ATP9B: variants seen among roughly 807,000 people sequenced by gnomAD.
ATP9B encodes the protein ATPase phospholipid transporting 9B, also known as probable phospholipid-transporting ATPase IIB.
In ATP9B, 110 loss-of-function variants were observed where a neutral mutation model predicts 146.1. The observed-to-expected ratio is 0.75, with a 90% confidence interval of 0.65 to 0.88. The LOEUF is 0.88. Among genes scored for constraint, ATP9B ranks in the 40% least tolerant of loss-of-function variants. The pLI, the probability that ATP9B is intolerant of heterozygous loss-of-function variation, is 0.00. For missense variants in ATP9B, 1,499 were observed against 1,496.4 expected (o/e 1.00, Z -0.03); for synonymous variants, 604 against 569.7 (o/e 1.06, Z -0.86).
At chr18:79,351,241 G>A (rs2096920760) in intron 25 of ATP9B, among the ~76,000 whole-genome samples, 1 of 152,234 alleles carries the variant, frequency 6.6e-6, no homozygotes, top group African/African-American at 2.4e-5. Flanking sequence ...GGGGACCATG[G>A]AGATTATTCT....
chr18:79,301,792 G>A (rs1010313736), intron 13 of ATP9B, among the ~76,000 whole-genome samples: 1 of 152,140 alleles, frequency 6.6e-6, no homozygotes, highest in Non-Finnish European at 1.5e-5. Context: ...AAGCATCTCA[G>A]GTAGATAGTT....
intron 14 of ATP9B, among the ~76,000 whole-genome samples, chr18:79,304,199 G>C (rs969348126): frequency 6.6e-6 from 1 of 152,016 alleles, no homozygotes; most frequent in Non-Finnish European, 1.5e-5. Flanking sequence ...TGTTTCATCT[G>C]TAGGTGTTCT....
At chr18:79,148,247 GCA>G (rs1198465941) in intron 6 of ATP9B, among the ~76,000 whole-genome samples, 6 of 152,290 alleles carry the variant, frequency 3.9e-5, no homozygotes, top group East Asian at 3.9e-4. Flanking sequence ...CATCAACTTT[GCA>G]CAGTTATTTT....
intron 8 of ATP9B, among the ~76,000 whole-genome samples, chr18:79,190,551 C>CACACAT (rs1229597519): frequency 6.9e-6 from 1 of 145,614 alleles, no homozygotes; most frequent in African/African-American, 2.5e-5. Flanking sequence ...CACACATATA[C>CACACAT]ATATATTTTT....
chr18:79,319,895 C>T (rs1279032133), intron 15 of ATP9B, among the ~76,000 whole-genome samples: 2 of 152,146 alleles, frequency 1.3e-5, no homozygotes, highest in African/African-American at 4.8e-5. Context: ...AACCTATTTA[C>T]TTCTTTCAGG....
intron 8 of ATP9B, among the ~76,000 whole-genome samples, chr18:79,185,156 AGGT>A (rs1045531457): frequency 2.6e-5 from 4 of 151,850 alleles, no homozygotes; most frequent in South Asian, 2.1e-4. Flanking sequence ...CAGTATCTTG[AGGT>A]GGTGGTGGTC....
intron 7 of ATP9B, among the ~76,000 whole-genome samples, chr18:79,175,990 A>T (rs2095162738): frequency 6.6e-6 from 1 of 152,198 alleles, no homozygotes; most frequent in Admixed American, 6.5e-5. Context: ...TTTTCTATAT[A>T]TAATGTCCTG....
chr18:79,096,679 T>C, intron 2 of ATP9B, 30 bp downstream of exon 2: 2 of 1,570,002 alleles, frequency 1.3e-6, no homozygotes, highest in Non-Finnish European at 1.7e-6. Flanking sequence ...CTAATTTCCT[T>C]ATATGCTAAG....
intron 15 of ATP9B, among the ~76,000 whole-genome samples, chr18:79,323,986 G>A (rs992395973): frequency 1.9e-4 from 29 of 152,290 alleles, no homozygotes; most frequent in Admixed American, 1.6e-3. Flanking sequence ...GATAGAAGCC[G>A]TTTTAACTGG....
chr18:79,325,751 C>G (rs1039715482), intron 15 of ATP9B, among the ~76,000 whole-genome samples: 1 of 152,180 alleles, frequency 6.6e-6, no homozygotes, highest in Non-Finnish European at 1.5e-5. Context: ...ATCGCGATCC[C>G]TGGCTTTGCT....
chr18:79,237,688 TTGGG>T (rs2095854527), intron 11 of ATP9B, among the ~76,000 whole-genome samples: 1 of 122,842 alleles, frequency 8.1e-6, no homozygotes, highest in Non-Finnish European at 1.7e-5. Flanking sequence ...TTTTTTTTTT[TTGGG>T]GGGGGGTGGG....
In ATP9B at chr18:79,342,349, A is replaced by G. The variant is rs2096863933; in HGVS notation, c.2365A>G (p.Ile789Val). Residue 789 changes from isoleucine (I) to valine (V), a missense_variant, in exon 20 of 30, where the codon ATT (isoleucine) becomes GTT (valine). Ile to Val is a conservative substitution (Grantham distance 29). Coordinates refer to ENST00000426216, the MANE Select transcript of ATP9B (RefSeq NM_198531.5). The stretch of plus-strand genomic sequence containing the variant: ...ACATCTCGTGTCTAGAACACAAGAT[A>G]TTCATATTTTCAGACAGGTAAGTAT... Reference protein sequence around the residue: ...SSHLVSRTQDIHIFRQVTSRG... With the variant: ...SSHLVSRTQDVHIFRQVTSRG... 3.1e-6 allele frequency: 5 copies of G among 1,612,088 alleles called. No individual in the cohort carries two copies. The highest frequency in any genetic ancestry group is 4.2e-6 in the Non-Finnish European group (5 of 1,178,478).
At chr18:79,080,639 C>G (rs1264524369) in intron 1 of ATP9B, among the ~76,000 whole-genome samples, 1 of 152,150 alleles carries the variant, frequency 6.6e-6, no homozygotes, top group Non-Finnish European at 1.5e-5. Flanking sequence ...TTGCCCTGTC[C>G]AGGACTTCCA....
chr18:79,082,406 C>G (rs2073360367), intron 1 of ATP9B, among the ~76,000 whole-genome samples: 1 of 152,188 alleles, frequency 6.6e-6, no homozygotes, highest in Non-Finnish European at 1.5e-5. Context: ...CTACTTTTGT[C>G]AATTTGTCAA....
intron 13 of ATP9B, among the ~76,000 whole-genome samples, chr18:79,295,522 A>G (rs2096541550): frequency 6.6e-6 from 1 of 152,236 alleles, no homozygotes; most frequent in Admixed American, 6.5e-5. Flanking sequence ...ATTTTCACAC[A>G]TGGCAAATTC....
In ATP9B at chr18:79,370,094, A is replaced by G. The variant is rs192713553; in HGVS notation, c.3013-2731A>G. On this transcript the variant is annotated intron_variant, in intron 26 of 29. Coordinates refer to ENST00000426216, the MANE Select transcript of ATP9B (RefSeq NM_198531.5). ...AGCCTGGGCAACAGAGCAAGACTCC[A>G]TCTCAAAAAAATGAAAATAAATTTT... Among the ~76,000 whole-genome samples the G allele has an allele frequency of 6.5e-3, 987 of 152,336 alleles. 5 individuals carry two copies. The highest frequency in any genetic ancestry group is 0.022 in the African/African-American group (924 of 41,574).
chr18:79,369,309 C>T (rs1003842547), intron 26 of ATP9B, among the ~76,000 whole-genome samples: 2 of 151,252 alleles, frequency 1.3e-5, no homozygotes, highest in Admixed American at 1.3e-4. Context: ...CCGAGGCGGG[C>T]GGGTCACGAG....
chr18:79,087,052 G>A (rs893259171), intron 1 of ATP9B, among the ~76,000 whole-genome samples: 2 of 152,178 alleles, frequency 1.3e-5, no homozygotes, highest in African/African-American at 4.8e-5. Flanking sequence ...ACTTCTTGAG[G>A]CTGGGAAGTC....
chr18:79,094,395 G>C (rs2628), intron 1 of ATP9B, among the ~76,000 whole-genome samples: 37,998 of 152,050 alleles, frequency 0.25, 5,085 homozygotes, highest in East Asian at 0.5. Context: ...TGAAAGTCAG[G>C]GTTTTCTCTC....
Sources: gnomAD v4.1 joint callset for allele counts (sites outside exome capture counted in the v4.1 genomes callset) on GRCh38, gnomAD v4.1.1 for gene constraint, MANE v1.5 for transcripts, NCBI Gene and HGNC (gene_info 2026-07-23, HGNC 2026-07-21) for gene names.